Variants in TMEM87A observed in about 807,000 individuals in gnomAD.
TMEM87A encodes the protein Golgi-pH regulating cation channel.
A neutral mutation model predicts 90.0 loss-of-function variants in TMEM87A; 50 were observed. The ratio of observed to expected loss-of-function variants is 0.56; its 90% confidence interval spans 0.44 to 0.70. The LOEUF is 0.70. Among genes scored for constraint, TMEM87A ranks in the 30% least tolerant of loss-of-function variants. TMEM87A has a pLI of 0.00. For missense variants in TMEM87A, 577 were observed against 660.5 expected, an observed-to-expected ratio of 0.87 and a Z score of 1.39; for synonymous variants, 226 against 226.7, an observed-to-expected ratio of 1.00 and a Z score of 0.03.
Position 42,261,343 on chromosome 15 carries a change from C to T in TMEM87A, c.406-94G>A. ...ACAAAGAAATGGTTAGAACAAAACA[C>T]CACACCCTAACTAGTAAATATAATA... On this transcript the variant is annotated intron_variant, in intron 4 of 19. Coordinates refer to ENST00000389834, the MANE Select transcript of TMEM87A (RefSeq NM_015497.5). 22 of 965,970 alleles carry T rather than the reference C, an allele frequency of 2.3e-5. No individual in the cohort carries two copies. The South Asian group carries it at 3.7e-4, about 16-fold the overall frequency. The allele number at this position is 965,970 out of a possible 1,614,324, so 59.8% of individuals were successfully genotyped here. A position where few individuals can be genotyped will look rare whatever the true frequency, so the allele number is the denominator to read the frequency against.
chr15:42,253,462 C>A (rs562737383), intron 6 of TMEM87A, among the ~76,000 whole-genome samples: 1 of 152,248 alleles, frequency 6.6e-6, no homozygotes, highest in Non-Finnish European at 1.5e-5. Flanking sequence ...CAAACACAAC[C>A]CAGGAAGCCA....
chr15:42,270,424 T>A (rs925631039), intron 2 of TMEM87A, among the ~76,000 whole-genome samples: 2 of 151,162 alleles, frequency 1.3e-5, no homozygotes, highest in Non-Finnish European at 2.9e-5. Context: ...CAATGAAATA[T>A]AAACACTTCA....
At chr15:42,218,274 AGTACT>A in intron 18 of TMEM87A, 44 bp downstream of exon 18, 7 of 1,544,336 alleles carry the variant, frequency 4.5e-6, no homozygotes, top group Non-Finnish European at 6.3e-6. Context: ...ATAACAAAGT[AGTACT>A]AACTTTGAAA....
intron 6 of TMEM87A, among the ~76,000 whole-genome samples, chr15:42,254,819 C>A (rs11070367): frequency 0.96 from 146,534 of 152,314 alleles, 70,685 homozygotes; most frequent in Non-Finnish European, 1. Context: ...ACAATGTACA[C>A]TGCAGAGTGA....
intron 6 of TMEM87A, among the ~76,000 whole-genome samples, chr15:42,244,618 C>T (rs1812899634): frequency 6.6e-6 from 1 of 150,734 alleles, no homozygotes; most frequent in African/African-American, 2.4e-5. Flanking sequence ...AACATGCTTC[C>T]CAAGAATATC....
At chr15:42,250,075 C>CT (rs2051055326) in intron 6 of TMEM87A, among the ~76,000 whole-genome samples, 1 of 152,152 alleles carries the variant, frequency 6.6e-6, no homozygotes, top group African/African-American at 2.4e-5. Context: ...TTATCAGAGA[C>CT]TAGAATTGCA....
At chr15:42,234,273 T>C (rs1157906457) in intron 10 of TMEM87A, among the ~76,000 whole-genome samples, 2 of 152,236 alleles carry the variant, frequency 1.3e-5, no homozygotes, top group Non-Finnish European at 2.9e-5. Flanking sequence ...CTCCTTGAGA[T>C]TCAAAATCCT....
chr15:42,267,979 C>A lies in TMEM87A; in HGVS notation c.259G>T (p.Ala87Ser). The change falls in exon 3 of 20, where the codon GCT becomes TCT. Residue 87 changes from alanine (A) to serine (S), a missense_variant. Coordinates refer to ENST00000389834, the MANE Select transcript of TMEM87A (RefSeq NM_015497.5). ...SLNITWYLKS[A>S]DCYNEIYNFK... The stretch of plus-strand genomic sequence containing the variant: ...TTATAGATTTCATTGTAACAATCAG[C>A]GCTTTTCAGATACCAGGTTATATTC... 1.9e-6 allele frequency: 3 copies of A among 1,613,510 alleles called. No individual in the cohort carries two copies. The highest frequency in any genetic ancestry group is 3.3e-5 in the Admixed American group (2 of 59,980).
intron 14 of TMEM87A, 127 bp downstream of exon 14, chr15:42,227,584 C>T (rs1272929462): frequency 2.7e-6 from 2 of 741,738 alleles, no homozygotes; most frequent in African/African-American, 1.8e-5. Context: ...GTATCACAAC[C>T]CTCAGAGTAG....
chr15:42,212,174 GT>G (rs1285001381), intron 19 of TMEM87A, among the ~76,000 whole-genome samples: 3 of 152,048 alleles, frequency 2.0e-5, no homozygotes, highest in Non-Finnish European at 2.9e-5. Context: ...TTTGTTATGT[GT>G]TTTTTACTAC....
chr15:42,258,340 T>A (rs545974267), intron 6 of TMEM87A: 3 of 687,074 alleles, frequency 4.4e-6, no homozygotes, highest in South Asian at 1.3e-4. Context: ...GTATTATAGA[T>A]TACTATTTTC....
At chr15:42,215,417 C>T (rs185832056) in intron 19 of TMEM87A, among the ~76,000 whole-genome samples, 86 of 152,246 alleles carry the variant, frequency 5.6e-4, no homozygotes, top group African/African-American at 2.0e-3. Context: ...AGGAGAATGG[C>T]GTGAACCCGG....
chr15:42,235,199 C>T (rs1356476512), intron 10 of TMEM87A, among the ~76,000 whole-genome samples: 3 of 152,084 alleles, frequency 2.0e-5, no homozygotes, highest in East Asian at 1.9e-4. Context: ...CCACCACAGC[C>T]GGCTAATTTT....
chr15:42,219,835 T>C (rs1290741151), intron 16 of TMEM87A, among the ~76,000 whole-genome samples, 193 bp from the exon 17 acceptor site: 1 of 152,124 alleles, frequency 6.6e-6, no homozygotes, highest in Non-Finnish European at 1.5e-5. Flanking sequence ...AGCTGGGAAG[T>C]TCAAAGCAAA....
At chr15:42,245,218 C>T (rs144486011) in intron 6 of TMEM87A, among the ~76,000 whole-genome samples, 11 of 152,246 alleles carry the variant, frequency 7.2e-5, no homozygotes, top group Non-Finnish European at 1.2e-4. Flanking sequence ...AGACTCACAA[C>T]CAATTTGTGA....
intron 1 of TMEM87A, chr15:42,272,908 C>T (rs759597230): frequency 6.1e-6 from 3 of 494,422 alleles, no homozygotes; most frequent in South Asian, 4.6e-5. Context: ...TTATCCAACC[C>T]GGGGACACTG....
intron 19 of TMEM87A, among the ~76,000 whole-genome samples, chr15:42,213,837 T>C (rs603468): frequency 0.079 from 11,973 of 151,548 alleles, 1,273 homozygotes; most frequent in African/African-American, 0.23. Flanking sequence ...TTAAGGAAAA[T>C]AGAGAATCAG....
At chr15:42,261,637 C>CTTTTT (rs3035840) in intron 4 of TMEM87A, among the ~76,000 whole-genome samples, 1 of 143,764 alleles carries the variant, frequency 7.0e-6, no homozygotes. Context: ...ACCTAATATT[C>CTTTTT]TTTTTTTTTT....
chr15:42,252,447 T>C (rs2051104496), intron 6 of TMEM87A, among the ~76,000 whole-genome samples: 1 of 152,226 alleles, frequency 6.6e-6, no homozygotes, highest in African/African-American at 2.4e-5. Context: ...ATTTTACTTT[T>C]TCATTCCTGC....
Sources: allele counts gnomAD v4.1 joint callset (sites outside exome capture counted in the v4.1 genomes callset), GRCh38; gene constraint gnomAD v4.1.1; transcripts MANE v1.5; gene names NCBI Gene and HGNC (gene_info 2026-07-23, HGNC 2026-07-21).